Variants in RAB10 observed in about 807,000 individuals in gnomAD.
RAB10 encodes RAB10, member RAS oncogene family, also known as ras-related protein Rab-10.
A neutral mutation model predicts 25.7 loss-of-function variants in RAB10; 5 were observed. The ratio of observed to expected loss-of-function variants is 0.19; its 90% CI spans 0.10 to 0.41. RAB10 has a LOEUF of 0.41. RAB10 is among the 10% of genes least tolerant of loss of function. RAB10 has a pLI of 1.00. For synonymous variants in RAB10, 89 were observed against 86.4 expected (o/e 1.03, Z -0.16); for missense variants, 103 against 245.8 (o/e 0.42, Z 3.89).
chr2:26,077,598 G>A (rs746395659), intron 1 of RAB10, among the ~76,000 whole-genome samples: 5 of 152,098 alleles, frequency 3.3e-5, no homozygotes, highest in Admixed American at 1.3e-4. Context: ...TTTTTTATTA[G>A]AATGACTTTT....
In RAB10 at chr2:26,085,530, C is replaced by A. The variant is rs571676664; in HGVS notation, c.128-13132C>A. On this transcript the variant is annotated intron_variant, in intron 1 of 5. Transcript: ENST00000264710. ...AAGTTATGCAAAAAGACAGCACTTTCAGGTCACCAGCTTGACCTTCTTCCA... is the reference window on the plus strand; with the variant it reads ...AAGTTATGCAAAAAGACAGCACTTTAAGGTCACCAGCTTGACCTTCTTCCA... Among the ~76,000 whole-genome samples the A allele has an allele frequency of 1.3e-4, 20 of 151,152 alleles. No homozygotes were observed. The South Asian group carries it at 4.2e-3, about 32-fold the overall frequency.
chr2:26,096,406 A>C (rs1475289186), intron 1 of RAB10, among the ~76,000 whole-genome samples: 1 of 128,152 alleles, frequency 7.8e-6, no homozygotes, highest in Non-Finnish European at 1.6e-5. Flanking sequence ...GGGCGGATGG[A>C]TGGCTGGATG....
At chr2:26,068,311 G>A (rs185304971) in intron 1 of RAB10, among the ~76,000 whole-genome samples, 7 of 152,312 alleles carry the variant, frequency 4.6e-5, no homozygotes, top group Admixed American at 2.0e-4. Context: ...GAGCCTGGTA[G>A]TCCATGCTAA....
chr2:26,128,626 C>G (rs988876443), intron 5 of RAB10, among the ~76,000 whole-genome samples: 1 of 142,770 alleles, frequency 7.0e-6, no homozygotes, highest in Non-Finnish European at 1.5e-5. Flanking sequence ...AGAAATGAAT[C>G]TATTAAGTAG....
intron 1 of RAB10, among the ~76,000 whole-genome samples, chr2:26,089,937 G>A (rs1667068184): frequency 6.6e-6 from 1 of 152,072 alleles, no homozygotes; most frequent in African/African-American, 2.4e-5. Context: ...CATTTGCCTA[G>A]ATTTCAAGGC....
At chr2:26,093,043 C>T (rs1406723241) in intron 1 of RAB10, among the ~76,000 whole-genome samples, 1 of 151,874 alleles carries the variant, frequency 6.6e-6, no homozygotes, top group Non-Finnish European at 1.5e-5. Context: ...GGGATAGGGG[C>T]ATTATTGTAG....
At chr2:26,128,399 G>A (rs1035560509) in intron 5 of RAB10, among the ~76,000 whole-genome samples, 4 of 152,134 alleles carry the variant, frequency 2.6e-5, no homozygotes, top group Non-Finnish European at 5.9e-5. Flanking sequence ...CCGGGGTTGG[G>A]GACTTGTGCT....
At chr2:26,079,356 A>G (rs965426930) in intron 1 of RAB10, among the ~76,000 whole-genome samples, 12 of 140,496 alleles carry the variant, frequency 8.5e-5, no homozygotes, top group African/African-American at 3.2e-4. Context: ...CACACACACT[A>G]TATACACATA....
intron 3 of RAB10, among the ~76,000 whole-genome samples, chr2:26,123,423 C>T (rs1267115001): frequency 2.6e-5 from 4 of 152,092 alleles, no homozygotes. Context: ...CTGAAGATGC[C>T]ATCGTTATAG....
In RAB10 at chr2:26,060,666, G is replaced by A. The variant is rs548058521; in HGVS notation, c.127+25931G>A. ...GAAAATTTTGGATTAGAAACATTAGGTAATTTATCAAAGAAGGTTATGTAG... is the reference window on the plus strand; with the variant it reads ...GAAAATTTTGGATTAGAAACATTAGATAATTTATCAAAGAAGGTTATGTAG... On this transcript the variant is annotated intron_variant, in intron 1 of 5. Transcript: ENST00000264710. 4.3e-4 allele frequency among the ~76,000 whole-genome samples: 65 copies of A among 152,258 alleles called. 2 individuals are homozygous for A. The South Asian group carries it at 0.013, about 30-fold the overall frequency.
chr2:26,084,002 G>A (rs1484763935), intron 1 of RAB10, among the ~76,000 whole-genome samples: 3 of 152,130 alleles, frequency 2.0e-5, no homozygotes, highest in African/African-American at 7.2e-5. Context: ...CAAATAAAGA[G>A]AGCTATACCG....
At chr2:26,067,347 CAATG>C (rs1313477018) in intron 1 of RAB10, among the ~76,000 whole-genome samples, 1 of 152,214 alleles carries the variant, frequency 6.6e-6, no homozygotes, top group Non-Finnish European at 1.5e-5. Context: ...CACTGTGTAA[CAATG>C]AAAAGGTCAT....
chr2:26,088,272 A>G lies in RAB10; in HGVS notation c.128-10390A>G, dbSNP rs565898208. Among the ~76,000 whole-genome samples the G allele has an allele frequency of 4.6e-5, 7 of 152,344 alleles. No individual in the cohort carries two copies. In the East Asian group the frequency reaches 5.8e-4, roughly 13 times the overall value. On this transcript the variant is annotated intron_variant, in intron 1 of 5. Coordinates refer to ENST00000264710, the MANE Select transcript of RAB10 (RefSeq NM_016131.5). ...CACTGGATGGTGCTTCTGCAACATC[A>G]TTAAGGCAGATATGGTGGCTGATAC...
rs753223585 is a variant in RAB10, at chr2:26,048,468, AG to A, written c.127+13735del. On this transcript the variant is annotated intron_variant, in intron 1 of 5. Coordinates refer to ENST00000264710, the MANE Select transcript of RAB10 (RefSeq NM_016131.5). ...TAATTTGCATTTTCCTGATTGCCAA[AG>A]GTGTTGAAAAGTCCTTTTATGTGCT... Among the ~76,000 whole-genome samples the A allele has an allele frequency of 3.5e-4, 53 of 152,342 alleles. 1 individual carries two copies. The Middle Eastern group carries it at 0.02, about 59-fold the overall frequency.
At chr2:26,116,369 T>A (rs552689650) in intron 3 of RAB10, among the ~76,000 whole-genome samples, 3 of 151,922 alleles carry the variant, frequency 2.0e-5, no homozygotes, top group African/African-American at 7.3e-5. Flanking sequence ...ATTGAAAATA[T>A]GAATTTTGAT....
chr2:26,083,096 GT>G (rs1666902472), intron 1 of RAB10, among the ~76,000 whole-genome samples: 1 of 152,148 alleles, frequency 6.6e-6, no homozygotes, highest in South Asian at 2.1e-4. Flanking sequence ...ATTTTGTACA[GT>G]TAACACACTT....
chr2:26,035,662 T>G (rs971986026), intron 1 of RAB10, among the ~76,000 whole-genome samples: 2 of 152,178 alleles, frequency 1.3e-5, no homozygotes, highest in African/African-American at 4.8e-5. Flanking sequence ...ACCCATCCGC[T>G]CCGCAATAAA....
chr2:26,118,911 T>G (rs1667744587), intron 3 of RAB10, among the ~76,000 whole-genome samples: 1 of 152,242 alleles, frequency 6.6e-6, no homozygotes, highest in Admixed American at 6.5e-5. Flanking sequence ...ACTACCAATC[T>G]TTCTTTGGGT....
rs926688620 is a variant in RAB10, at chr2:26,135,847, T to C, written c.*826T>C. On this transcript the variant is annotated 3_prime_UTR_variant, in exon 6 of 6. Coordinates refer to ENST00000264710, the MANE Select transcript of RAB10 (RefSeq NM_016131.5). ...AACCACCTCATGGTATATTTAAGAG[T>C]GAAAGGGACAAACTAGTAGGTTTGT... The C allele has an allele frequency of 6.6e-6, 1 of 152,500 alleles. No individual in the cohort carries two copies. The highest frequency in any genetic ancestry group is 2.4e-5 in the African/African-American group (1 of 41,394). The allele number at this position is 152,500 out of a possible 1,614,324, so 9.4% of individuals were successfully genotyped here. A position where few individuals can be genotyped will look rare whatever the true frequency, so the allele number is the denominator to read the frequency against.
Sources: allele counts gnomAD v4.1 joint callset (sites outside exome capture counted in the v4.1 genomes callset), GRCh38; gene constraint gnomAD v4.1.1; transcripts MANE v1.5; gene names NCBI Gene and HGNC (gene_info 2026-07-23, HGNC 2026-07-21).